ZNF578: variants seen among roughly 807,000 people sequenced by gnomAD.
ZNF578 encodes zinc finger protein 578.
A neutral mutation model predicts 8.3 loss-of-function variants in ZNF578; 8 were observed. That is an observed-to-expected ratio of 0.96 (90% CI 0.56 to 1.74). The LOEUF (loss-of-function observed/expected upper bound fraction) is 1.74, where lower values mean the gene tolerates loss of function less well. Among genes scored for constraint, ZNF578 ranks in the 40% most tolerant of loss-of-function variants. The pLI, the probability that ZNF578 is intolerant of heterozygous loss-of-function variation, is 0.00. For missense variants in ZNF578, 726 were observed against 707.5 expected, an observed-to-expected ratio of 1.03 and a Z score of -0.30; for synonymous variants, 206 against 232.2, an observed-to-expected ratio of 0.89 and a Z score of 1.03.
chr19:52,510,426 A>G, intron 5 of ZNF578, 146 bp from the exon 6 acceptor site: 5 of 1,145,642 alleles, frequency 4.4e-6, no homozygotes, highest in Non-Finnish European at 5.8e-6. Flanking sequence ...TTATTAAAGA[A>G]TCTTACTACT....
intron 2 of ZNF578, among the ~76,000 whole-genome samples, chr19:52,489,717 G>C (rs2059358684): frequency 6.7e-6 from 1 of 150,074 alleles, no homozygotes; most frequent in African/African-American, 2.5e-5. Flanking sequence ...GTGTAGTGGT[G>C]CGATCTTGGC....
chr19:52,488,356 A>C (rs2615571), intron 2 of ZNF578, among the ~76,000 whole-genome samples: 114,529 of 151,712 alleles, frequency 0.75, 43,958 homozygotes, highest in African/African-American at 0.9. Flanking sequence ...AGTTCGAGAC[A>C]AGCCTGGCCA....
At chr19:52,502,789 G>C (rs1254401325) in intron 4 of ZNF578, among the ~76,000 whole-genome samples, 2 of 152,048 alleles carry the variant, frequency 1.3e-5, no homozygotes, top group African/African-American at 4.8e-5. Context: ...TAGTTCTGGA[G>C]TACAATGGCA....
chr19:52,468,904 G>C (rs899917850), intron 2 of ZNF578, among the ~76,000 whole-genome samples: 2 of 152,086 alleles, frequency 1.3e-5, no homozygotes, highest in Admixed American at 1.3e-4. Context: ...CAGCTTCCTG[G>C]GATATCTCGA....
chr19:52,501,414 G>A (rs1181980040), intron 3 of ZNF578, among the ~76,000 whole-genome samples: 5 of 152,230 alleles, frequency 3.3e-5, no homozygotes, highest in African/African-American at 1.2e-4. Context: ...TACCTGCAGT[G>A]GCGCAGGTGC....
At chr19:52,480,197 T>C (rs895517680) in intron 2 of ZNF578, among the ~76,000 whole-genome samples, 1 of 152,178 alleles carries the variant, frequency 6.6e-6, no homozygotes. Context: ...TGAGCCACCG[T>C]GCCCAGTCGA....
chr19:52,469,415 C>T (rs2059285415), intron 2 of ZNF578, among the ~76,000 whole-genome samples: 1 of 152,072 alleles, frequency 6.6e-6, no homozygotes, highest in Non-Finnish European at 1.5e-5. Flanking sequence ...CTGCCTTGGC[C>T]TCCCAAAGTA....
At chr19:52,455,277 G>T (rs913230751) in intron 1 of ZNF578, 1 of 141,456 alleles carries the variant, frequency 7.1e-6, no homozygotes, top group East Asian at 2.1e-4. Flanking sequence ...TTGGCTCACC[G>T]CAACCTCTGC....
chr19:52,491,446 C>G (rs1363429505), intron 3 of ZNF578, 21 bp downstream of exon 3: 2 of 155,038 alleles, frequency 1.3e-5, no homozygotes, highest in African/African-American at 4.8e-5. Context: ...TACACCCTAT[C>G]GCAAATAAGT....
chr19:52,499,444 C>CA (rs2122925959), intron 3 of ZNF578, among the ~76,000 whole-genome samples: 1 of 152,280 alleles, frequency 6.6e-6, no homozygotes, highest in African/African-American at 2.4e-5. Context: ...CCTGGGACAT[C>CA]AAACAGGCAT....
intron 2 of ZNF578, among the ~76,000 whole-genome samples, chr19:52,469,541 A>G (rs1178376920): frequency 6.6e-6 from 1 of 152,120 alleles, no homozygotes; most frequent in East Asian, 1.9e-4. Context: ...TATTACAACT[A>G]AAAATGCTAA....
chr19:52,507,941 C>G (rs189909450), intron 5 of ZNF578, among the ~76,000 whole-genome samples: 1 of 151,994 alleles, frequency 6.6e-6, no homozygotes, highest in Non-Finnish European at 1.5e-5. Flanking sequence ...CCCAGCTACT[C>G]GGGTGGCTGA....
intron 3 of ZNF578, among the ~76,000 whole-genome samples, chr19:52,498,682 C>T (rs1192396187): frequency 5.7e-5 from 4 of 70,698 alleles, no homozygotes; most frequent in African/African-American, 1.8e-4. Flanking sequence ...CTCGCCTGGC[C>T]GCTTTTTTTT....
At chr19:52,501,567 A>G (rs1174147476) in intron 3 of ZNF578, among the ~76,000 whole-genome samples, 3 of 151,892 alleles carry the variant, frequency 2.0e-5, no homozygotes, top group African/African-American at 7.3e-5. Flanking sequence ...CCTGAAGGAG[A>G]GATCAGTCCA....
At chr19:52,496,208 A>G (rs2059385667) in intron 3 of ZNF578, among the ~76,000 whole-genome samples, 2 of 151,720 alleles carry the variant, frequency 1.3e-5, no homozygotes, top group Admixed American at 1.3e-4. Context: ...TAGTAGAGAC[A>G]GGATTCACCA....
chr19:52,478,971 C>G (rs1279746316), intron 2 of ZNF578, among the ~76,000 whole-genome samples: 1 of 151,716 alleles, frequency 6.6e-6, no homozygotes, highest in Non-Finnish European at 1.5e-5. Context: ...GCCTCAGCCT[C>G]CCAAAGTGCT....
intron 2 of ZNF578, among the ~76,000 whole-genome samples, chr19:52,487,817 TG>T (rs1176190898): frequency 3.9e-5 from 6 of 152,046 alleles, no homozygotes; most frequent in South Asian, 2.1e-4. Flanking sequence ...TTTTTCTTTT[TG>T]TAGAAACTTG....
At position 52,512,235 on chromosome 19, in the gene ZNF578, G is replaced by A. The variant is rs1599921160; in HGVS notation, c.*81G>A. ...CACAGATCACGCCTTAAAAGACATA[G>A]GAGAATTCATACTGGAGAGAAACCT... On this transcript the variant is annotated 3_prime_UTR_variant, in exon 6 of 6. Coordinates refer to ENST00000421239, the MANE Select transcript of ZNF578 (RefSeq NM_001099694.2). 1.0e-6 allele frequency: 1 copy of A among 988,370 alleles called. No individual in the cohort carries two copies. Among genetic ancestry groups the A allele is most frequent in the Non-Finnish European group, 1.4e-6 (1 of 697,558 alleles). 61.2% of individuals were successfully genotyped at this position (988,370 alleles called of 1,614,324 possible). A position where few individuals can be genotyped will look rare whatever the true frequency, so the allele number is the denominator to read the frequency against.
rs111538922 is a variant in ZNF578 at position 52,510,646 on chromosome 19, A to G, written c.265A>G (p.Met89Val). 1.4e-3 allele frequency: 2,260 copies of G among 1,610,634 alleles called. 32 individuals are homozygous for G. In the African/African-American group the frequency reaches 0.026, roughly 18 times the overall value. ...QGNTEVIHTG[M>V]LQRHESYHTG... Reference sequence around the variant, plus strand: ...CAATACAGAAGTGATCCACACAGGGATGTTGCAAAGACATGAAAGTTATCA... The same window carrying G: ...CAATACAGAAGTGATCCACACAGGGGTGTTGCAAAGACATGAAAGTTATCA... The change falls in exon 6 of 6, where the codon ATG becomes GTG. Residue 89 changes from methionine (M) to valine (V), a missense_variant. Physicochemically the swap from Met to Val is conservative, Grantham distance 21. Coordinates refer to ENST00000421239, the MANE Select transcript of ZNF578 (RefSeq NM_001099694.2).
Sources: allele counts gnomAD v4.1 joint callset (sites outside exome capture counted in the v4.1 genomes callset), GRCh38; gene constraint gnomAD v4.1.1; transcripts MANE v1.5; gene names NCBI Gene and HGNC (gene_info 2026-07-23, HGNC 2026-07-21).